Variants in SPAG16 observed in about 807,000 individuals in gnomAD.
SPAG16 encodes the protein sperm associated antigen 16.
SPAG16 carries 86 observed loss-of-function variants against 80.4 expected under a neutral mutation model. That is an observed-to-expected ratio of 1.07 (90% CI 0.90 to 1.28). The LOEUF (loss-of-function observed/expected upper bound fraction) is 1.28. Among genes scored for constraint, SPAG16 ranks in the 50% most tolerant of loss-of-function variants. The pLI is 0.00. For missense variants in SPAG16, 870 were observed against 765.3 expected (o/e 1.14, Z -1.61); for synonymous variants, 294 against 265.9 (o/e 1.11, Z -1.03).
At chr2:213,377,125 T>G (rs1240827824) in intron 9 of SPAG16, among the ~76,000 whole-genome samples, 1 of 152,212 alleles carries the variant, frequency 6.6e-6, no homozygotes, top group African/African-American at 2.4e-5. Flanking sequence ...TGAGTTGATA[T>G]TTTGCTGGAA....
At chr2:213,290,550 G>A (rs577204493) in intron 1 of SPAG16, among the ~76,000 whole-genome samples, 2 of 152,288 alleles carry the variant, frequency 1.3e-5, no homozygotes, top group South Asian at 2.1e-4. Context: ...AGTGTTCTTC[G>A]AAGGAATACT....
intron 10 of SPAG16, among the ~76,000 whole-genome samples, chr2:213,633,405 A>C (rs998259978): frequency 6.6e-6 from 1 of 152,054 alleles, no homozygotes; most frequent in African/African-American, 2.4e-5. Flanking sequence ...TATTATTTCA[A>C]TTTTTTGAAC....
At chr2:213,307,015 A>G (rs895738080) in intron 3 of SPAG16, among the ~76,000 whole-genome samples, 1 of 152,152 alleles carries the variant, frequency 6.6e-6, no homozygotes, top group Non-Finnish European at 1.5e-5. Flanking sequence ...AGAGGTGTCT[A>G]TTCAGCCATC....
chr2:213,393,457 G>A (rs1055899388), intron 9 of SPAG16, among the ~76,000 whole-genome samples: 1 of 151,532 alleles, frequency 6.6e-6, no homozygotes, highest in East Asian at 1.9e-4. Flanking sequence ...TTTTTGATTC[G>A]ATTTTTGTTT....
intron 15 of SPAG16, among the ~76,000 whole-genome samples, chr2:214,356,545 T>A (rs1188748543): frequency 1.4e-5 from 2 of 143,652 alleles, no homozygotes; most frequent in Non-Finnish European, 3.1e-5. Context: ...GTTTTTCTTT[T>A]CTTATTTTGG....
chr2:213,464,635 C>A (rs1397438622), intron 9 of SPAG16, among the ~76,000 whole-genome samples: 9 of 152,170 alleles, frequency 5.9e-5, no homozygotes, highest in Admixed American at 3.3e-4. Context: ...ATCCATTTGC[C>A]AGTCTTCTCC....
At chr2:213,623,170 T>G (rs2061844526) in intron 10 of SPAG16, among the ~76,000 whole-genome samples, 1 of 152,220 alleles carries the variant, frequency 6.6e-6, no homozygotes, top group African/African-American at 2.4e-5. Context: ...GAATTTGTTT[T>G]CTCTATGAAT....
intron 10 of SPAG16, among the ~76,000 whole-genome samples, chr2:213,802,436 TCTATCTATCTAC>T (rs1559481086): frequency 2.0e-5 from 3 of 149,064 alleles, no homozygotes; most frequent in African/African-American, 7.3e-5. Flanking sequence ...TATCTATCTA[TCTATCTATCTAC>T]ACATACCTGG....
At chr2:213,328,877 T>C (rs985459862) in intron 5 of SPAG16, among the ~76,000 whole-genome samples, 2 of 152,140 alleles carry the variant, frequency 1.3e-5, no homozygotes, top group African/African-American at 4.8e-5. Context: ...GGGAGGGACC[T>C]GGTGGGAGGT....
chr2:214,027,933 A>G (rs2048218101), intron 13 of SPAG16, among the ~76,000 whole-genome samples: 2 of 151,930 alleles, frequency 1.3e-5, no homozygotes. Context: ...ATTGTCTTAA[A>G]GGTATAATAT....
Position 213,436,797 on chromosome 2 carries a change from C to A in SPAG16, c.943-53166C>A, listed in dbSNP as rs891267054. On this transcript the variant is annotated intron_variant, in intron 9 of 15. Coordinates refer to ENST00000331683, the MANE Select transcript of SPAG16 (RefSeq NM_024532.5). Reference sequence around the variant, plus strand: ...CTAAATTTCTTCTCTTTTATGGGAACATTTGCATTGGGTGTCACTAGTGGC... The same window carrying A: ...CTAAATTTCTTCTCTTTTATGGGAAAATTTGCATTGGGTGTCACTAGTGGC... 5.3e-5 allele frequency among the ~76,000 whole-genome samples: 8 copies of A among 152,186 alleles called. 1 individual carries two copies. The South Asian group carries it at 1.7e-3, about 32-fold the overall frequency.
chr2:213,979,633 G>A (rs1386688695), intron 12 of SPAG16, among the ~76,000 whole-genome samples: 6 of 152,038 alleles, frequency 3.9e-5, no homozygotes, highest in East Asian at 1.9e-4. Context: ...GGGGGAAACC[G>A]CCTCCCTGAT....
intron 10 of SPAG16, among the ~76,000 whole-genome samples, chr2:213,750,157 T>C (rs894104830): frequency 3.9e-5 from 6 of 152,214 alleles, no homozygotes; most frequent in Admixed American, 3.9e-4. Flanking sequence ...CCAAGAAACC[T>C]GAGTTGTTAA....
At chr2:213,328,317 T>C (rs1187223318) in intron 5 of SPAG16, among the ~76,000 whole-genome samples, 2 of 152,094 alleles carry the variant, frequency 1.3e-5, no homozygotes, top group African/African-American at 2.4e-5. Context: ...TAAGATCTTA[T>C]TCATTATTCT....
At chr2:213,749,014 G>A (rs1425643929) in intron 10 of SPAG16, among the ~76,000 whole-genome samples, 1 of 152,032 alleles carries the variant, frequency 6.6e-6, no homozygotes, top group East Asian at 1.9e-4. Flanking sequence ...GGGCATGGTG[G>A]CGGGCGCCTG....
intron 10 of SPAG16, among the ~76,000 whole-genome samples, chr2:213,739,873 A>T (rs1047360442): frequency 6.6e-5 from 10 of 152,210 alleles, no homozygotes; most frequent in African/African-American, 2.4e-4. Flanking sequence ...AAGTGCTGGG[A>T]CCAAAAGCGT....
At chr2:213,428,161 T>C (rs1031653650) in intron 9 of SPAG16, among the ~76,000 whole-genome samples, 3 of 152,140 alleles carry the variant, frequency 2.0e-5, no homozygotes, top group Non-Finnish European at 2.9e-5. Context: ...ACTTTAGATA[T>C]TGGGGAAGAG....
intron 11 of SPAG16, among the ~76,000 whole-genome samples, chr2:213,920,781 C>T (rs1315681817): frequency 3.3e-5 from 5 of 152,222 alleles, no homozygotes; most frequent in African/African-American, 1.2e-4. Flanking sequence ...CCTGTGGTAG[C>T]ATGTCGAGCC....
At chr2:214,096,699 A>G (rs1264820802) in intron 13 of SPAG16, among the ~76,000 whole-genome samples, 1 of 152,076 alleles carries the variant, frequency 6.6e-6, no homozygotes, top group African/African-American at 2.4e-5. Context: ...CGCAGTAAAA[A>G]TTTTGTAGAG....
Sources: allele counts gnomAD v4.1 joint callset (sites outside exome capture counted in the v4.1 genomes callset), GRCh38; gene constraint gnomAD v4.1.1; transcripts MANE v1.5; gene names NCBI Gene and HGNC (gene_info 2026-07-23, HGNC 2026-07-21).